PACS2: variants seen among roughly 807,000 people sequenced by gnomAD.
PACS2 encodes the protein PACS1-like protein.
PACS2 carries 36 observed loss-of-function variants against 113.0 expected under a neutral mutation model. That is an observed-to-expected ratio of 0.32 (90% CI 0.24 to 0.42). The LOEUF (loss-of-function observed/expected upper bound fraction) is 0.42, where lower values mean the gene tolerates loss of function less well. Among genes scored for constraint, PACS2 ranks in the 10% least tolerant of loss-of-function variants. The pLI is 1.00. For synonymous variants in PACS2, 589 were observed against 536.1 expected, an observed-to-expected ratio of 1.10 and a Z score of -1.36; for missense variants, 1,015 against 1,239.5, an observed-to-expected ratio of 0.82 and a Z score of 2.72.
chr14:105,354,586 G>T lies in PACS2; in HGVS notation c.298-466G>T, dbSNP rs1408326652. On this transcript the variant is annotated intron_variant, in intron 3 of 24. Coordinates refer to ENST00000447393, the MANE Select transcript of PACS2 (RefSeq NM_001100913.3). This position sits in a 1 kb window ranked among gnomAD's most constrained non-coding sequence, Gnocchi z 4.2. ...TGGAGCCCTGCTGGACAGGGAGCCT[G>T]TGGTGAGACGTGCAGGCGAGTTGGG... Among the ~76,000 whole-genome samples the T allele has an allele frequency of 6.6e-6, 1 of 152,256 alleles. No homozygotes were observed. The highest frequency in any genetic ancestry group is 1.5e-5 in the Non-Finnish European group (1 of 68,044).
chr14:105,359,287 T>C (rs2060578272), intron 4 of PACS2, among the ~76,000 whole-genome samples: 1 of 152,082 alleles, frequency 6.6e-6, no homozygotes, highest in African/African-American at 2.4e-5. Context: ...TTTTATACTT[T>C]ATTTTTACTG....
chr14:105,354,504 C>G lies in PACS2; in HGVS notation c.298-548C>G, dbSNP rs2060354882. Among the ~76,000 whole-genome samples, 1 of 152,156 alleles carries G rather than the reference C, an allele frequency of 6.6e-6. No individual in the cohort carries two copies. Among genetic ancestry groups the G allele is most frequent in the Admixed American group, 6.5e-5 (1 of 15,274 alleles). ...CCCCATTTTCCCCTAAGTATTTAAA[C>G]TGATTTTTATTTGTGAACTCTGAGT... On this transcript the variant is annotated intron_variant, in intron 3 of 24. Coordinates refer to ENST00000447393, the MANE Select transcript of PACS2 (RefSeq NM_001100913.3). This position sits in a 1 kb window ranked among gnomAD's most constrained non-coding sequence, Gnocchi z 4.2.
At chr14:105,308,204 G>A (rs894936564) in intron 1 of PACS2, among the ~76,000 whole-genome samples, 4 of 148,540 alleles carry the variant, frequency 2.7e-5, no homozygotes, top group East Asian at 2.0e-4. Context: ...CAATTAGGCC[G>A]GGCACAGTGG....
intron 20 of PACS2, 120 bp from the exon 21 acceptor site, chr14:105,391,087 C>A: frequency 4.0e-6 from 3 of 748,516 alleles, no homozygotes; most frequent in South Asian, 1.5e-5. Context: ...GCTGGCACCA[C>A]CTGGCCGCTC....
At chr14:105,381,511 G>C (rs7494470) in intron 12 of PACS2, among the ~76,000 whole-genome samples, 133,318 of 152,316 alleles carry the variant, frequency 0.88, 61,024 homozygotes, top group Non-Finnish European at 1. Context: ...GTGGTGGCAC[G>C]CAGGTGCCTG....
chr14:105,383,633 G>A (rs1461700472), intron 16 of PACS2, 120 bp downstream of exon 16: 1 of 820,798 alleles, frequency 1.2e-6, no homozygotes. Context: ...GGTGTGTCGT[G>A]GTGTGGCGCG....
intron 21 of PACS2, 119 bp from the exon 22 acceptor site, chr14:105,391,512 T>TGCCCCCCCCCCCCC: frequency 3.3e-6 from 2 of 611,316 alleles, no homozygotes; most frequent in East Asian, 2.9e-5. Flanking sequence ...CACTGGGGAC[T>TGCCCCCCCCCCCCC]CCCACCCTGC....
chr14:105,322,632 C>T (rs2058942907), intron 1 of PACS2, among the ~76,000 whole-genome samples: 2 of 152,214 alleles, frequency 1.3e-5, no homozygotes, highest in Non-Finnish European at 2.9e-5. Flanking sequence ...ATGCAGGGAC[C>T]TTAGCCCACT....
chr14:105,379,535 T>C (rs1441148590), intron 9 of PACS2, among the ~76,000 whole-genome samples: 2 of 152,172 alleles, frequency 1.3e-5, no homozygotes, highest in Admixed American at 6.5e-5. Context: ...CGCTTAGTGT[T>C]GCCAGCTCCA....
intron 6 of PACS2, 61 bp from the exon 7 acceptor site, chr14:105,368,398 C>T: frequency 7.6e-7 from 1 of 1,319,762 alleles, no homozygotes; most frequent in Non-Finnish European, 1.1e-6. Flanking sequence ...CTGAGGCTGG[C>T]AGGGTCCTGC....
At chr14:105,374,726 G>A (rs2061283434) in intron 8 of PACS2, 1 of 152,248 alleles carries the variant, frequency 6.6e-6, no homozygotes, top group African/African-American at 2.4e-5. Flanking sequence ...GTGTGTGCTG[G>A]CTTATGAGGG....
At position 105,354,689 on chromosome 14, in the gene PACS2, C is replaced by T. The variant is rs1191271745; in HGVS notation, c.298-363C>T. Among the ~76,000 whole-genome samples the T allele has an allele frequency of 2.6e-5, 4 of 152,224 alleles. No homozygotes were observed. The highest frequency in any genetic ancestry group is 9.6e-5 in the African/African-American group (4 of 41,458). ...GAAAAGCGTCCTGGGTCCCACCTTG[C>T]TGATTGCCTCAGGCACATGAGCCGC... On this transcript the variant is annotated intron_variant, in intron 3 of 24. Transcript: ENST00000447393. The surrounding 1 kb of genome is among the most constrained non-coding windows in gnomAD (Gnocchi z 4.2).
Position 105,304,119 on chromosome 14 carries a change from A to G in PACS2, c.-83+3140A>G, listed in dbSNP as rs587607429. Among the ~76,000 whole-genome samples the G allele has an allele frequency of 2.0e-5, 3 of 152,340 alleles. No individual in the cohort carries two copies. The East Asian group carries it at 5.8e-4, about 29-fold the overall frequency. On this transcript the variant is annotated intron_variant, in intron 1 of 23. Coordinates refer to the PACS2 transcript ENST00000430725. ...GCAGGACAGTCAGGCAGTACAGGAC[A>G]GTCAGGCTGTACAGGACAGGATTGG... is the stretch of plus-strand genomic sequence containing the variant.
At chr14:105,305,839 C>A (rs901137727) in intron 1 of PACS2, among the ~76,000 whole-genome samples, 5 of 152,272 alleles carry the variant, frequency 3.3e-5, no homozygotes, top group Non-Finnish European at 5.9e-5. Context: ...GCACCCAGCA[C>A]CAGCTTCCTG....
At position 105,324,644 on chromosome 14, in the gene PACS2, C is replaced by T. The variant is rs587629507; in HGVS notation, c.119+9607C>T. Among the ~76,000 whole-genome samples, 7 of 152,202 alleles carry T rather than the reference C, an allele frequency of 4.6e-5. No homozygotes were observed. In the South Asian group the frequency reaches 8.3e-4, roughly 18 times the overall value. ...AGCAGGGTTGTGAGAGTGATGAGAG[C>T]GTGGCTGCTGGTCATGGTGCTGGGG... is the stretch of plus-strand genomic sequence containing the variant. On this transcript the variant is annotated intron_variant, in intron 1 of 24. Coordinates refer to ENST00000447393, the MANE Select transcript of PACS2 (RefSeq NM_001100913.3). This position sits in a 1 kb window ranked among gnomAD's most constrained non-coding sequence, Gnocchi z 4.7.
At chr14:105,380,038 C>T (rs1555411517) in intron 10 of PACS2, 42 bp from the exon 11 acceptor site, 1 of 1,526,092 alleles carries the variant, frequency 6.6e-7, no homozygotes, top group African/African-American at 1.4e-5. Context: ...GCCTTGGCAC[C>T]TGCAGTTGAG....
intron 1 of PACS2, among the ~76,000 whole-genome samples, chr14:105,302,198 TTC>T (rs2058057674): frequency 6.6e-6 from 1 of 150,972 alleles, no homozygotes; most frequent in South Asian, 2.1e-4. Context: ...CCTCTTTTTT[TTC>T]TTTCTTTTTT....
intron 4 of PACS2, among the ~76,000 whole-genome samples, chr14:105,361,413 G>A (rs1274321899): frequency 6.6e-6 from 1 of 152,240 alleles, no homozygotes; most frequent in East Asian, 1.9e-4. Flanking sequence ...AGGGCGGGTG[G>A]ATTACCTGAG....
chr14:105,386,891 GC>G lies in PACS2; in HGVS notation c.2033+1179del, dbSNP rs377055241. On this transcript the variant is annotated intron_variant, in intron 19 of 24. Coordinates refer to ENST00000447393, the MANE Select transcript of PACS2 (RefSeq NM_001100913.3). ...CTGACCCCCAGCAGCCTCCGCCCTT[GC>G]CCCCTGGCTGTGGCACGAGGAGCCT... 7.7e-4 allele frequency among the ~76,000 whole-genome samples: 118 copies of G among 152,260 alleles called. 2 individuals are homozygous for G. In the East Asian group the frequency reaches 0.016, roughly 20 times the overall value.
Sources: gnomAD v4.1 joint callset for allele counts (sites outside exome capture counted in the v4.1 genomes callset) on GRCh38, gnomAD v4.1.1 for gene constraint, Gnocchi (gnomAD v3.1) non-coding constraint, MANE v1.5 for transcripts, NCBI Gene and HGNC (gene_info 2026-07-23, HGNC 2026-07-21) for gene names.